Variants in ARID1B observed in about 807,000 individuals in gnomAD.
ARID1B encodes AT-rich interaction domain 1B.
In ARID1B, 30 loss-of-function variants were observed where a neutral mutation model predicts 212.3. The ratio of observed to expected loss-of-function variants is 0.14; its 90% confidence interval spans 0.11 to 0.19. The LOEUF is 0.19. ARID1B is among the 10% of genes least tolerant of loss of function. ARID1B has a pLI of 1.00. For missense variants in ARID1B, 2,891 were observed against 3,204.0 expected, an observed-to-expected ratio of 0.90 and a Z score of 2.36; for synonymous variants, 1,402 against 1,301.7, an observed-to-expected ratio of 1.08 and a Z score of -1.66.
At chr6:156,902,002 CT>C (rs1788983848) in intron 3 of ARID1B, 1 of 160,318 alleles carries the variant, frequency 6.2e-6, no homozygotes, top group African/African-American at 2.4e-5. Context: ...TTTAAACTAG[CT>C]TATAAGTAGA....
At chr6:157,144,614 G>A (rs1789592621) in intron 7 of ARID1B, among the ~76,000 whole-genome samples, 1 of 152,160 alleles carries the variant, frequency 6.6e-6, no homozygotes, top group African/African-American at 2.4e-5. Context: ...AGGAGGAGGA[G>A]GAGGAGTCTG....
intron 11 of ARID1B, among the ~76,000 whole-genome samples, chr6:157,177,990 C>G (rs1032420357): frequency 6.6e-6 from 1 of 152,178 alleles, no homozygotes; most frequent in East Asian, 1.9e-4. Context: ...CGTACATGCT[C>G]TCTATTCACT....
In ARID1B at chr6:156,972,457, C is replaced by A. The variant is rs79224602; in HGVS notation, c.2247+36881C>A. Among the ~76,000 whole-genome samples the A allele has an allele frequency of 4.9e-3, 747 of 152,256 alleles. 3 individuals are homozygous for A. Among genetic ancestry groups the A allele is most frequent in the Non-Finnish European group, 8.2e-3 (558 of 68,022 alleles). ...TTTCTGAGTGTAAAATTGCACAGATCTACTTTATTAAGAATATTTATTTTA... is the reference window on the plus strand; with the variant it reads ...TTTCTGAGTGTAAAATTGCACAGATATACTTTATTAAGAATATTTATTTTA... On this transcript the variant is annotated intron_variant, in intron 4 of 19. Transcript: ENST00000636930.
In ARID1B at chr6:156,778,822, A is replaced by T. The variant is rs2114986943; in HGVS notation, c.1142A>T (p.Tyr381Phe). Residue 381 changes from tyrosine (Y) to phenylalanine (F), a missense_variant, in exon 1 of 20, where the codon TAT (tyrosine) becomes TTT (phenylalanine). Tyr to Phe is a conservative substitution (Grantham distance 22). This residue lies in a region of ARID1B where 1,643 missense variants were observed against 1,544.0 expected (regional missense o/e 1.06). Transcript: ENST00000636930. ...TACCCCAACAGCCAGTGCAACCATTATCCGGGCTACAGCCGGCCCGGCGCG... is the reference window on the plus strand; with the variant it reads ...TACCCCAACAGCCAGTGCAACCATTTTCCGGGCTACAGCCGGCCCGGCGCG... ...EGYPNSQCNH[Y>F]PGYSRPGAGG... 6.9e-7 allele frequency: 1 copy of T among 1,450,126 alleles called. No individual in the cohort carries two copies. 89.8% of individuals were successfully genotyped at this position (1,450,126 alleles called of 1,614,324 possible).
intron 4 of ARID1B, among the ~76,000 whole-genome samples, chr6:156,977,973 G>A (rs4870503): frequency 6.6e-6 from 1 of 151,850 alleles, no homozygotes; most frequent in Non-Finnish European, 1.5e-5. Context: ...CCTCTCTGGC[G>A]GGTGGGAGCA....
At chr6:156,914,853 C>T (rs1044810010) in intron 3 of ARID1B, among the ~76,000 whole-genome samples, 3 of 152,180 alleles carry the variant, frequency 2.0e-5, no homozygotes, top group Non-Finnish European at 4.4e-5. Context: ...TCCTTTCTGA[C>T]CCTTTGAAAT....
At chr6:156,980,815 G>A (rs373702119) in intron 4 of ARID1B, among the ~76,000 whole-genome samples, 1 of 152,188 alleles carries the variant, frequency 6.6e-6, no homozygotes, top group Non-Finnish European at 1.5e-5. Flanking sequence ...ATTTCAGCCT[G>A]AGGCAGTGAA....
intron 4 of ARID1B, chr6:156,940,867 A>G (rs866076332): frequency 2.6e-5 from 4 of 152,204 alleles, no homozygotes; most frequent in South Asian, 2.1e-4. Context: ...AGAAATGTAA[A>G]TTGCTAAGAC....
At chr6:156,806,231 C>T (rs992276184) in intron 1 of ARID1B, among the ~76,000 whole-genome samples, 14 of 152,146 alleles carry the variant, frequency 9.2e-5, no homozygotes, top group Non-Finnish European at 1.5e-5. Flanking sequence ...TCAGCACATT[C>T]AACAAACTTT....
intron 4 of ARID1B, among the ~76,000 whole-genome samples, chr6:156,962,177 C>T (rs375562763): frequency 6.6e-6 from 1 of 151,950 alleles, no homozygotes; most frequent in Non-Finnish European, 1.5e-5. Flanking sequence ...CGGGCGCCTG[C>T]AGTCCCAGCT....
chr6:156,952,777 G>T (rs1301505141), intron 4 of ARID1B, among the ~76,000 whole-genome samples: 1 of 152,222 alleles, frequency 6.6e-6, no homozygotes, highest in Non-Finnish European at 1.5e-5. Context: ...AACAGAAAGA[G>T]AATTTAATGT....
chr6:156,880,700 A>G (rs1187198602), intron 2 of ARID1B, among the ~76,000 whole-genome samples: 3 of 142,286 alleles, frequency 2.1e-5, no homozygotes, highest in East Asian at 2.0e-4. Context: ...AGATCGTGCA[A>G]CTGCACTCCA....
chr6:156,952,959 G>A (rs1793697260), intron 4 of ARID1B, among the ~76,000 whole-genome samples: 1 of 152,054 alleles, frequency 6.6e-6, no homozygotes, highest in Non-Finnish European at 1.5e-5. Context: ...TTATTCTTTT[G>A]TATTTCATTA....
chr6:156,862,443 T>C (rs1275945887), intron 2 of ARID1B, among the ~76,000 whole-genome samples: 1 of 152,052 alleles, frequency 6.6e-6, no homozygotes, highest in East Asian at 1.9e-4. Context: ...GGGGGGTATA[T>C]GGCGAAAGAG....
intron 2 of ARID1B, among the ~76,000 whole-genome samples, chr6:156,888,799 C>T (rs748017215): frequency 1.4e-4 from 21 of 152,190 alleles, no homozygotes; most frequent in South Asian, 2.1e-4. Context: ...TTTCTTTCCA[C>T]GTATCCTATG....
chr6:156,969,253 C>T (rs1002131883), intron 4 of ARID1B, among the ~76,000 whole-genome samples: 4 of 152,136 alleles, frequency 2.6e-5, no homozygotes, highest in South Asian at 2.1e-4. Context: ...GTGTATGTGT[C>T]GACAAAGTTC....
intron 4 of ARID1B, among the ~76,000 whole-genome samples, chr6:157,021,070 C>T (rs1780210645): frequency 1.3e-5 from 2 of 151,884 alleles, no homozygotes; most frequent in Non-Finnish European, 2.9e-5. Context: ...CGGCGGCGTC[C>T]TTCCCTCCTC....
intron 4 of ARID1B, among the ~76,000 whole-genome samples, chr6:156,962,431 A>C (rs1794448083): frequency 6.6e-6 from 1 of 152,206 alleles, no homozygotes; most frequent in East Asian, 1.9e-4. Context: ...AGTTTTCCAG[A>C]TGTCTGTGCC....
At chr6:156,816,457 G>C (rs1781969112) in intron 1 of ARID1B, among the ~76,000 whole-genome samples, 1 of 152,184 alleles carries the variant, frequency 6.6e-6, no homozygotes, top group Non-Finnish European at 1.5e-5. Flanking sequence ...GGGCTATAAG[G>C]AAAATTAGGG....
Sources: allele counts gnomAD v4.1 joint callset (sites outside exome capture counted in the v4.1 genomes callset), GRCh38; gene constraint gnomAD v4.1.1; regional missense constraint gnomAD v4.1.1; transcripts MANE v1.5; gene names NCBI Gene and HGNC (gene_info 2026-07-23, HGNC 2026-07-21).